Variants in CNKSR2 observed in about 807,000 individuals in gnomAD.
CNKSR2 encodes the protein CNK homolog protein 2.
Under a neutral mutation model 84.4 loss-of-function variants are expected in CNKSR2, and 14 were observed. The ratio of observed to expected loss-of-function variants is 0.17; its 90% CI spans 0.11 to 0.26. The LOEUF (loss-of-function observed/expected upper bound fraction) is 0.26. CNKSR2 is among the 10% of genes least tolerant of loss of function. CNKSR2 has a pLI of 1.00. For synonymous variants in CNKSR2, 275 were observed against 277.9 expected, an observed-to-expected ratio of 0.99 and a Z score of 0.10; for missense variants, 485 against 771.2, an observed-to-expected ratio of 0.63 and a Z score of 4.40.
intron 20 of CNKSR2, among the ~76,000 whole-genome samples, chrX:21,611,377 C>T (rs2092549237): frequency 8.9e-6 from 1 of 112,055 alleles, no homozygotes; most frequent in African/African-American, 3.2e-5. Flanking sequence ...ATAGAGAATT[C>T]TGTTCAGAAA....
At chrX:21,631,748 TA>T (rs1311533314) in intron 20 of CNKSR2, among the ~76,000 whole-genome samples, 1 of 112,503 alleles carries the variant, frequency 8.9e-6, no homozygotes, top group Non-Finnish European at 1.9e-5. Context: ...GTATGTAGAA[TA>T]AAATAAAAAC....
intron 13 of CNKSR2, among the ~76,000 whole-genome samples, chrX:21,584,939 C>G (rs920109250): frequency 9.0e-6 from 1 of 110,582 alleles, no homozygotes; most frequent in African/African-American, 3.3e-5. Flanking sequence ...CACTCTGGCT[C>G]TTGTGCTAAA....
At chrX:21,402,272 A>G (rs2090201614) in intron 1 of CNKSR2, among the ~76,000 whole-genome samples, 3 of 111,635 alleles carry the variant, frequency 2.7e-5, no homozygotes, top group East Asian at 5.6e-4. Context: ...AGGAATCTTT[A>G]TAACACCCCT....
intron 13 of CNKSR2, among the ~76,000 whole-genome samples, chrX:21,574,250 G>A (rs749451118): frequency 7.2e-5 from 8 of 111,739 alleles, no homozygotes; most frequent in African/African-American, 9.8e-5. Context: ...GTCTTCTTCC[G>A]AGTCTTCTAA....
At chrX:21,517,034 T>A (rs1282813766) in intron 9 of CNKSR2, among the ~76,000 whole-genome samples, 3 of 111,450 alleles carry the variant, frequency 2.7e-5, no homozygotes, top group African/African-American at 9.8e-5. Flanking sequence ...GTTCATAAAA[T>A]AGTAATAGTA....
intron 1 of CNKSR2, among the ~76,000 whole-genome samples, chrX:21,379,749 C>T (rs1402448664): frequency 9.0e-6 from 1 of 111,264 alleles, no homozygotes; most frequent in African/African-American, 3.3e-5. Flanking sequence ...ATGGTAGTGA[C>T]ATTGACAAAC....
At chrX:21,575,276 A>G (rs1183211069) in intron 13 of CNKSR2, among the ~76,000 whole-genome samples, 1 of 110,947 alleles carries the variant, frequency 9.0e-6, no homozygotes, top group African/African-American at 3.3e-5. Context: ...TTCCTCACTT[A>G]TTTATATAAT....
At chrX:21,526,785 C>CGTT (rs2091838990) in intron 9 of CNKSR2, 82 bp from the exon 10 acceptor site, 2 of 793,388 alleles carry the variant, frequency 2.5e-6, no homozygotes. Context: ...AACTATGTGT[C>CGTT]ATTGTTGTTG....
chrX:21,441,174 T>C, intron 4 of CNKSR2: 1 of 113,270 alleles, frequency 8.8e-6, no homozygotes, highest in East Asian at 2.7e-4. Context: ...TGGAAGAGAC[T>C]TGGGTGAATT....
chrX:21,646,129 A>T (rs957808707), intron 20 of CNKSR2, among the ~76,000 whole-genome samples: 1 of 111,133 alleles, frequency 9.0e-6, no homozygotes, highest in Non-Finnish European at 1.9e-5. Context: ...TATGTGTATG[A>T]TGTGTAGGGG....
At chrX:21,408,916 A>T (rs1035651905) in intron 1 of CNKSR2, among the ~76,000 whole-genome samples, 9 of 110,042 alleles carry the variant, frequency 8.2e-5, no homozygotes, top group Non-Finnish European at 1.5e-4. Flanking sequence ...TGCCAACAAT[A>T]TGAATGTGGT....
chrX:21,639,049 A>G (rs976176191), intron 20 of CNKSR2, among the ~76,000 whole-genome samples: 2 of 112,109 alleles, frequency 1.8e-5, no homozygotes, highest in Non-Finnish European at 3.8e-5. Flanking sequence ...ATTAGTCTGT[A>G]TAATAATTTT....
chrX:21,573,044 A>G (rs1460065815), intron 13 of CNKSR2, among the ~76,000 whole-genome samples: 2 of 112,101 alleles, frequency 1.8e-5, no homozygotes, highest in Non-Finnish European at 3.8e-5. Flanking sequence ...GGTAAATACA[A>G]CCATTCCAAA....
At chrX:21,483,032 A>G (rs2091338322) in intron 5 of CNKSR2, among the ~76,000 whole-genome samples, 1 of 111,888 alleles carries the variant, frequency 8.9e-6, no homozygotes, top group Admixed American at 9.5e-5. Flanking sequence ...ATTTTATTCT[A>G]TTACATTAGT....
intron 9 of CNKSR2, among the ~76,000 whole-genome samples, chrX:21,517,355 A>G (rs1335348871): frequency 1.8e-5 from 2 of 110,721 alleles, no homozygotes; most frequent in Non-Finnish European, 3.8e-5. Context: ...ACTGCACTCC[A>G]GCTTGGGCAA....
chrX:21,642,402 G>A, intron 20 of CNKSR2: 2 of 752,180 alleles, frequency 2.7e-6, no homozygotes, highest in Non-Finnish European at 3.1e-6. Flanking sequence ...ATAGGCTGTG[G>A]GTTTCATTTT....
chrX:21,609,265 C>T lies in CNKSR2; in HGVS notation c.2340C>T (p.Gly780=). 8.3e-7 allele frequency: 1 copy of T among 1,211,435 alleles called. No individual in the cohort carries two copies. Among genetic ancestry groups the T allele is most frequent in the Non-Finnish European group, 1.1e-6 (1 of 895,453 alleles). ...DLIETPLTSS[G]LHYLQTLPLE... is the part of the protein sequence containing the mutation. ...TTGAGACGCCACTGACAAGTTCAGG[C>T]TTACACTATCTTCAGACTCTGCCCC... The change falls in exon 20 of 22, where the codon GGC becomes GGT. Residue 780 remains glycine (G), a synonymous_variant. Transcript: ENST00000379510.
chrX:21,622,235 G>A (rs191671810), intron 20 of CNKSR2, among the ~76,000 whole-genome samples: 1 of 111,070 alleles, frequency 9.0e-6, no homozygotes, highest in Non-Finnish European at 1.9e-5. Context: ...CAAAAGCTTT[G>A]TATCTTCAGT....
At chrX:21,553,091 C>G (rs1372816832) in intron 11 of CNKSR2, among the ~76,000 whole-genome samples, 1 of 111,787 alleles carries the variant, frequency 8.9e-6, no homozygotes, top group African/African-American at 3.2e-5. Flanking sequence ...CTGTAATCCT[C>G]CACTAGTTCT....
Sources: allele counts gnomAD v4.1 joint callset (sites outside exome capture counted in the v4.1 genomes callset), GRCh38; gene constraint gnomAD v4.1.1; transcripts MANE v1.5; gene names NCBI Gene and HGNC (gene_info 2026-07-23, HGNC 2026-07-21).